The following BMP2K variants were observed in gnomAD, a reference collection of about 807,000 sequenced individuals.
BMP2K encodes the protein BMP-2-inducible protein kinase.
In BMP2K, 74 loss-of-function variants were observed where a neutral mutation model predicts 116.0. The observed-to-expected ratio is 0.64, with a 90% CI of 0.53 to 0.77. The LOEUF (loss-of-function observed/expected upper bound fraction) is 0.77, where lower values mean the gene tolerates loss of function less well. Ranked by LOEUF, BMP2K falls within the 30% of genes least tolerant of loss-of-function variation. The probability of loss-of-function intolerance (pLI) is 0.00; values close to 1 mark genes in which losing one functional copy is unlikely to be tolerated. For missense variants in BMP2K, 1,365 were observed against 1,403.6 expected (o/e 0.97, Z 0.44); for synonymous variants, 486 against 502.5 (o/e 0.97, Z 0.44).
intron 15 of BMP2K, among the ~76,000 whole-genome samples, chr4:78,894,393 G>A (rs1044960869): frequency 6.6e-6 from 1 of 152,122 alleles, no homozygotes; most frequent in African/African-American, 2.4e-5. Context: ...GAAATCTTCC[G>A]GATAACTTGT....
chr4:78,835,627 C>CA (rs561192085), intron 3 of BMP2K, among the ~76,000 whole-genome samples: 1,541 of 69,014 alleles, frequency 0.022, 14 homozygotes, highest in Non-Finnish European at 0.041. Flanking sequence ...GACTCCGTGT[C>CA]AAAAAAAAAA....
At chr4:78,844,277 G>C (rs1730896419) in intron 4 of BMP2K, among the ~76,000 whole-genome samples, 1 of 151,482 alleles carries the variant, frequency 6.6e-6, no homozygotes, top group Non-Finnish European at 1.5e-5. Context: ...ATTGTCCAAG[G>C]GTCCATATGC....
Position 78,842,534 on chromosome 4 carries a change from ACT to A in BMP2K, c.546+8_546+9del. On this transcript the variant is annotated splice_region_variant and intron_variant, in intron 4 of 15. Coordinates refer to ENST00000502613, the MANE Select transcript of BMP2K (RefSeq NM_198892.2). ...AATTCACCGGGATCTGAAGGTAAGA[ACT>A]TTAGAATTCCTATGGATTAAGTAAT... The A allele has an allele frequency of 6.4e-7, 1 of 1,563,048 alleles. No individual in the cohort carries two copies. The highest frequency in any genetic ancestry group is 8.7e-7 in the Non-Finnish European group (1 of 1,145,166).
At chr4:78,888,955 C>G (rs1440860163) in intron 15 of BMP2K, among the ~76,000 whole-genome samples, 3 of 152,160 alleles carry the variant, frequency 2.0e-5, no homozygotes, top group Non-Finnish European at 2.9e-5. Flanking sequence ...GGCGCGGTGG[C>G]TTGCGCCTGT....
At chr4:78,818,140 A>C (rs943364261) in intron 1 of BMP2K, among the ~76,000 whole-genome samples, 3 of 152,178 alleles carry the variant, frequency 2.0e-5, no homozygotes, top group Non-Finnish European at 4.4e-5. Flanking sequence ...TATATTTTTT[A>C]AATTTAAGTT....
At chr4:78,849,575 G>A (rs898443197) in intron 6 of BMP2K, among the ~76,000 whole-genome samples, 9 of 151,354 alleles carry the variant, frequency 5.9e-5, no homozygotes, top group African/African-American at 2.2e-4. Context: ...AGTCTAATGT[G>A]GACATTATAC....
chr4:78,865,605 A>G lies in BMP2K; in HGVS notation c.1116A>G (p.Gln372=), dbSNP rs1732006778. The change falls in exon 10 of 16, where the codon CAA becomes CAG. Residue 372 remains glutamine, a synonymous_variant. Transcript: ENST00000502613. Reference sequence around the variant, plus strand: ...CAGAAACCTCAATTGCACCAAGACAAAGACCAAAGGCCAACTCTGCTACTA... The same window carrying G: ...CAGAAACCTCAATTGCACCAAGACAGAGACCAAAGGCCAACTCTGCTACTA... The part of the protein sequence containing the change: ...GPTETSIAPR[Q]RPKANSATTA... 3 of 1,614,136 alleles carry G rather than the reference A, an allele frequency of 1.9e-6. No homozygotes were observed. Among genetic ancestry groups the G allele is most frequent in the Non-Finnish European group, 2.5e-6 (3 of 1,179,990 alleles).
chr4:78,838,158 G>A (rs1391910721), intron 3 of BMP2K, among the ~76,000 whole-genome samples: 2 of 152,146 alleles, frequency 1.3e-5, no homozygotes, highest in Admixed American at 6.5e-5. Context: ...GGTTTGTGCA[G>A]GGTAATGTCC....
chr4:78,811,051 T>C (rs1560510236), intron 1 of BMP2K, among the ~76,000 whole-genome samples: 1 of 152,220 alleles, frequency 6.6e-6, no homozygotes, highest in Admixed American at 6.5e-5. Context: ...AGCTCACATA[T>C]TAATACTACT....
chr4:78,813,805 T>G (rs1243372735), intron 1 of BMP2K, among the ~76,000 whole-genome samples: 1 of 152,196 alleles, frequency 6.6e-6, no homozygotes, highest in Admixed American at 6.5e-5. Flanking sequence ...AATTTTTTTC[T>G]TCTCAGGACT....
chr4:78,912,492 A>C lies in BMP2K; in HGVS notation c.*459A>C, dbSNP rs1734700038. ...TTTTAATTTCCAGACAGTTAAAAAC[A>C]ATCTAGTTATCTTAAAGCATTAGAA... On this transcript the variant is annotated 3_prime_UTR_variant, in exon 16 of 16. Transcript: ENST00000502613. 2 of 154,998 alleles carry C rather than the reference A, an allele frequency of 1.3e-5. No individual in the cohort carries two copies. The highest frequency in any genetic ancestry group is 1.3e-4 in the Admixed American group (2 of 15,684). 9.6% of individuals were successfully genotyped at this position (154,998 alleles called of 1,614,324 possible). A position where few individuals can be genotyped will look rare whatever the true frequency, so the allele number is the denominator to read the frequency against.
At chr4:78,816,198 A>G (rs1237662691) in intron 1 of BMP2K, among the ~76,000 whole-genome samples, 2 of 152,056 alleles carry the variant, frequency 1.3e-5, no homozygotes, top group Non-Finnish European at 2.9e-5. Context: ...TTTTCAGGCT[A>G]AAGGTTTTTT....
chr4:78,789,392 C>T (rs1450444575), intron 1 of BMP2K, among the ~76,000 whole-genome samples: 2 of 152,074 alleles, frequency 1.3e-5, no homozygotes, highest in African/African-American at 4.8e-5. Flanking sequence ...CTTTAATTGG[C>T]TCCTATGCTG....
intron 1 of BMP2K, among the ~76,000 whole-genome samples, chr4:78,798,167 G>A (rs1384796826): frequency 6.6e-6 from 1 of 152,212 alleles, no homozygotes; most frequent in Non-Finnish European, 1.5e-5. Flanking sequence ...CAAAAAGACA[G>A]ATCCTACCTA....
chr4:78,865,443 A>T (rs1327350058), intron 9 of BMP2K, 114 bp from the exon 10 acceptor site: 1 of 952,448 alleles, frequency 1.0e-6, no homozygotes, highest in South Asian at 1.7e-5. Flanking sequence ...ATGAGGACTA[A>T]TGCGATTATC....
intron 3 of BMP2K, among the ~76,000 whole-genome samples, chr4:78,836,137 G>T (rs960585675): frequency 1.3e-5 from 2 of 151,936 alleles, no homozygotes; most frequent in African/African-American, 4.8e-5. Context: ...AAAATAATTG[G>T]CTGGGCGCCG....
intron 4 of BMP2K, 88 bp from the exon 5 acceptor site, chr4:78,844,840 A>G: frequency 8.5e-7 from 1 of 1,177,844 alleles, no homozygotes; most frequent in Non-Finnish European, 1.2e-6. Context: ...TAAGCTTCGT[A>G]TGTACAAATA....
At chr4:78,868,900 T>A (rs1274181609) in intron 10 of BMP2K, among the ~76,000 whole-genome samples, 1 of 152,190 alleles carries the variant, frequency 6.6e-6, no homozygotes, top group Non-Finnish European at 1.5e-5. Flanking sequence ...TTTCATGGGC[T>A]GGCCGTTGAG....
intron 1 of BMP2K, among the ~76,000 whole-genome samples, chr4:78,801,845 G>T (rs1728583597): frequency 6.6e-6 from 1 of 152,070 alleles, no homozygotes; most frequent in Admixed American, 6.6e-5. Context: ...CATTGTTTGT[G>T]ATTTTACATC....
Sources: gnomAD v4.1 joint callset for allele counts (sites outside exome capture counted in the v4.1 genomes callset) on GRCh38, gnomAD v4.1.1 for gene constraint, MANE v1.5 for transcripts, NCBI Gene and HGNC (gene_info 2026-07-23, HGNC 2026-07-21) for gene names.